Variants in FMN1 observed in about 807,000 individuals in gnomAD.
FMN1 encodes formin 1.
Under a neutral mutation model 132.4 loss-of-function variants are expected in FMN1, and 110 were observed. That is an observed-to-expected ratio of 0.83 (90% CI 0.71 to 0.97). The LOEUF is 0.97. Ranked by LOEUF, FMN1 falls within the 50% of genes least tolerant of loss-of-function variation. The pLI is 0.00. For synonymous variants in FMN1, 722 were observed against 651.7 expected (o/e 1.11, Z -1.64); for missense variants, 1,792 against 1,705.3 (o/e 1.05, Z -0.90).
chr15:32,921,107 T>C (rs1406551466), intron 10 of FMN1, among the ~76,000 whole-genome samples: 18 of 152,146 alleles, frequency 1.2e-4, no homozygotes, highest in African/African-American at 4.3e-4. Context: ...AATAAAATAT[T>C]AGTTGCTGTG....
chr15:33,073,607 CA>C (rs367606375), intron 5 of FMN1, among the ~76,000 whole-genome samples: 116 of 151,196 alleles, frequency 7.7e-4, no homozygotes, highest in African/African-American at 2.7e-3. Context: ...CATAAGGAGT[CA>C]AAAAAATGTC....
intron 6 of FMN1, among the ~76,000 whole-genome samples, chr15:33,060,983 C>T (rs948060414): frequency 6.6e-6 from 1 of 152,100 alleles, no homozygotes; most frequent in African/African-American, 2.4e-5. Context: ...CATAATACAA[C>T]ATAGGAGATG....
At chr15:32,975,715 G>C (rs1421569534) in intron 7 of FMN1, among the ~76,000 whole-genome samples, 1 of 151,972 alleles carries the variant, frequency 6.6e-6, no homozygotes, top group Admixed American at 6.6e-5. Context: ...ACGTAGATAA[G>C]AATTCTCTTC....
chr15:32,805,681 T>C (rs942665151), intron 17 of FMN1, among the ~76,000 whole-genome samples: 7 of 152,344 alleles, frequency 4.6e-5, no homozygotes, highest in African/African-American at 1.7e-4. Context: ...TAGGGAAATC[T>C]TGGGTAGATC....
intron 4 of FMN1, among the ~76,000 whole-genome samples, chr15:33,141,024 T>G (rs565104891): frequency 6.6e-6 from 1 of 152,312 alleles, no homozygotes; most frequent in East Asian, 1.9e-4. Context: ...TTTCTTTTAT[T>G]AATTGATATG....
At chr15:33,067,810 CACTTCAAGTCCG>C in intron 5 of FMN1, 1 of 1,613,948 alleles carries the variant, frequency 6.2e-7, no homozygotes, top group Non-Finnish European at 8.5e-7. Context: ...TCGACTGAGC[CACTTCAAGTCCG>C]GCTTCTGGTT....
intron 4 of FMN1, among the ~76,000 whole-genome samples, chr15:33,093,696 G>C (rs1456960381): frequency 6.6e-6 from 1 of 152,182 alleles, no homozygotes; most frequent in African/African-American, 2.4e-5. Flanking sequence ...GGAGAGAAAT[G>C]ATGAATGAGC....
intron 18 of FMN1, 54 bp from the exon 19 acceptor site, chr15:32,799,007 A>T: frequency 6.5e-7 from 1 of 1,527,378 alleles, no homozygotes; most frequent in Non-Finnish European, 8.9e-7. Context: ...AATTGCCAAC[A>T]CTAAAATCCA....
At chr15:32,977,353 CAA>C (rs1302299878) in intron 7 of FMN1, among the ~76,000 whole-genome samples, 3 of 151,972 alleles carry the variant, frequency 2.0e-5, no homozygotes, top group East Asian at 3.9e-4. Context: ...TGCCAATACA[CAA>C]AAAAAGATAC....
chr15:32,987,258 C>A (rs548066696), intron 7 of FMN1, among the ~76,000 whole-genome samples: 1 of 152,076 alleles, frequency 6.6e-6, no homozygotes, highest in African/African-American at 2.4e-5. Context: ...ACCGCTGTAG[C>A]GTTTCATACC....
intron 2 of FMN1, among the ~76,000 whole-genome samples, chr15:33,181,312 A>G (rs1056253990): frequency 6.6e-6 from 1 of 152,148 alleles, no homozygotes; most frequent in South Asian, 2.1e-4. Flanking sequence ...AACTGTTTTC[A>G]TATAGTAGCT....
At chr15:32,992,860 C>A (rs899354195) in intron 7 of FMN1, among the ~76,000 whole-genome samples, 4 of 152,066 alleles carry the variant, frequency 2.6e-5, no homozygotes, top group Non-Finnish European at 5.9e-5. Context: ...TCAGTTTGGG[C>A]TCAGAGAGAT....
At position 32,785,216 on chromosome 15, in the gene FMN1, A is replaced by ATTTTTT. The variant is rs1281698107; in HGVS notation, c.4131-8298_4131-8297insAAAAAA. Among the ~76,000 whole-genome samples, 5 of 20,110 alleles carry ATTTTTT rather than the reference A, an allele frequency of 2.5e-4. 1 individual carries two copies. Among genetic ancestry groups the ATTTTTT allele is most frequent in the African/African-American group, 5.5e-4 (4 of 7,256 alleles). The allele number at this position is 20,110 out of a possible 152,430, so 13.2% of individuals were successfully genotyped here. On this transcript the variant is annotated intron_variant, in intron 19 of 20. Transcript: ENST00000616417. ...TGTGTGTGTGTATATATATATATAT[A>ATTTTTT]TATTTTTTTTTTTTTTTTTTTGTAG... is the stretch of plus-strand genomic sequence containing the variant.
intron 6 of FMN1, among the ~76,000 whole-genome samples, chr15:33,040,170 T>C (rs562285874): frequency 6.6e-6 from 1 of 152,346 alleles, no homozygotes; most frequent in African/African-American, 2.4e-5. Flanking sequence ...GTCTTTGCTC[T>C]GCATGTTTGC....
At chr15:33,157,032 C>T (rs1175837521) in intron 3 of FMN1, among the ~76,000 whole-genome samples, 1 of 152,048 alleles carries the variant, frequency 6.6e-6, no homozygotes, top group African/African-American at 2.4e-5. Flanking sequence ...CTTTGGGAGG[C>T]CGAGGTGGGC....
At chr15:33,018,276 T>C (rs1268004479) in intron 6 of FMN1, among the ~76,000 whole-genome samples, 1 of 151,964 alleles carries the variant, frequency 6.6e-6, no homozygotes, top group East Asian at 1.9e-4. Context: ...AGTGATGTCT[T>C]TTTTTTAATC....
At chr15:32,931,594 C>T (rs914034869) in intron 9 of FMN1, among the ~76,000 whole-genome samples, 2 of 152,084 alleles carry the variant, frequency 1.3e-5, no homozygotes, top group African/African-American at 4.8e-5. Flanking sequence ...TCACAGTTTG[C>T]TTTTTTGGGG....
chr15:32,921,461 A>G (rs1178614117), intron 10 of FMN1, among the ~76,000 whole-genome samples: 1 of 152,204 alleles, frequency 6.6e-6, no homozygotes, highest in Non-Finnish European at 1.5e-5. Context: ...CCAGTCTTCC[A>G]TGAACAGTGT....
chr15:33,186,694 T>C (rs1965899713), intron 2 of FMN1, among the ~76,000 whole-genome samples: 1 of 152,202 alleles, frequency 6.6e-6, no homozygotes, highest in African/African-American at 2.4e-5. Context: ...TTTCTCTTGG[T>C]TGCGAGCAAA....
Sources: gnomAD v4.1 joint callset for allele counts (sites outside exome capture counted in the v4.1 genomes callset) on GRCh38, gnomAD v4.1.1 for gene constraint, MANE v1.5 for transcripts, NCBI Gene and HGNC (gene_info 2026-07-23, HGNC 2026-07-21) for gene names.